The following RBFOX1 variants were observed in gnomAD, a reference collection of about 807,000 sequenced individuals.
RBFOX1 encodes RNA binding protein fox-1 homolog 1.
A neutral mutation model predicts 57.7 loss-of-function variants in RBFOX1; 8 were observed. The observed-to-expected ratio is 0.14, with a 90% CI of 0.08 to 0.25. The LOEUF (loss-of-function observed/expected upper bound fraction) is 0.25. RBFOX1 is among the 10% of genes least tolerant of loss of function. RBFOX1 has a pLI of 1.00. For synonymous variants in RBFOX1, 326 were observed against 222.4 expected (o/e 1.47, Z -4.15); for missense variants, 611 against 548.5 (o/e 1.11, Z -1.14).
chr16:5,730,356 G>A (rs1412580809), intron 3 of RBFOX1, among the ~76,000 whole-genome samples: 2 of 152,166 alleles, frequency 1.3e-5, no homozygotes, highest in African/African-American at 2.4e-5. Context: ...TAGATGGAGA[G>A]AATGAGCCTA....
Position 7,415,944 on chromosome 16 carries a change from G to C in RBFOX1, c.28-102203G>C, listed in dbSNP as rs185999785. Among the ~76,000 whole-genome samples the C allele has an allele frequency of 3.7e-3, 559 of 151,782 alleles. 1 individual carries two copies. Among genetic ancestry groups the C allele is most frequent in the African/African-American group, 0.012 (506 of 41,362 alleles). ...GAAGCTTGGGCTGGTAGTGGTTTAG[G>C]AGAAAAAAAAATCAAGTGAAACTTA... On this transcript the variant is annotated intron_variant, in intron 4 of 15. Coordinates refer to ENST00000550418, the MANE Select transcript of RBFOX1 (RefSeq NM_018723.4).
At chr16:6,843,118 T>C (rs183373665) in intron 3 of RBFOX1, among the ~76,000 whole-genome samples, 4 of 152,310 alleles carry the variant, frequency 2.6e-5, no homozygotes, top group East Asian at 3.9e-4. Context: ...TTGTTTCTTA[T>C]TGTTGTTGTT....
At chr16:6,178,036 A>G (rs2097027123) in intron 1 of RBFOX1, among the ~76,000 whole-genome samples, 1 of 151,994 alleles carries the variant, frequency 6.6e-6, no homozygotes. Context: ...GTTTTGAGAC[A>G]TTAGTGTTTC....
chr16:6,830,907 C>G (rs1241553404), intron 3 of RBFOX1, among the ~76,000 whole-genome samples: 1 of 152,272 alleles, frequency 6.6e-6, no homozygotes, highest in East Asian at 1.9e-4. Flanking sequence ...ATTTCAGCAA[C>G]CAGGTAGAAT....
intron 3 of RBFOX1, among the ~76,000 whole-genome samples, chr16:6,766,973 G>C (rs1025817557): frequency 1.3e-5 from 2 of 152,126 alleles, no homozygotes; most frequent in African/African-American, 4.8e-5. Flanking sequence ...GGAGGCTGAA[G>C]GCTGAAGGAA....
chr16:6,391,943 A>C (rs1389496730), intron 2 of RBFOX1, among the ~76,000 whole-genome samples: 1 of 152,206 alleles, frequency 6.6e-6, no homozygotes, highest in Non-Finnish European at 1.5e-5. Flanking sequence ...AGTCTTTCAG[A>C]GAAAGTCAGG....
intron 4 of RBFOX1, among the ~76,000 whole-genome samples, chr16:6,002,710 A>G (rs979496912): frequency 6.6e-6 from 1 of 152,254 alleles, no homozygotes; most frequent in Non-Finnish European, 1.5e-5. Context: ...ATAAAGCAAT[A>G]TAAAGTTCTT....
At chr16:7,115,591 G>A (rs1164192929) in intron 4 of RBFOX1, among the ~76,000 whole-genome samples, 1 of 152,122 alleles carries the variant, frequency 6.6e-6, no homozygotes, top group East Asian at 1.9e-4. Flanking sequence ...GAAGTTTGCT[G>A]CCCACAGATT....
At chr16:6,033,752 G>A (rs936831899) in intron 1 of RBFOX1, among the ~76,000 whole-genome samples, 62 of 152,114 alleles carry the variant, frequency 4.1e-4, no homozygotes, top group African/African-American at 1.4e-3. Flanking sequence ...ATCTTCAACC[G>A]CCACCACTTC....
At chr16:5,694,161 G>A (rs9635554) in intron 3 of RBFOX1, among the ~76,000 whole-genome samples, 34,985 of 152,124 alleles carry the variant, frequency 0.23, 5,517 homozygotes, top group East Asian at 0.81. Flanking sequence ...CAAAATGTGT[G>A]GCCGGGGATT....
intron 3 of RBFOX1, among the ~76,000 whole-genome samples, chr16:5,803,829 G>T (rs2055140305): frequency 6.6e-6 from 1 of 152,156 alleles, no homozygotes; most frequent in African/African-American, 2.4e-5. Context: ...CAGAAATGTT[G>T]CTTCTTTCCT....
chr16:7,182,621 C>T (rs1475280861), intron 4 of RBFOX1, among the ~76,000 whole-genome samples: 1 of 152,174 alleles, frequency 6.6e-6, no homozygotes, highest in Non-Finnish European at 1.5e-5. Flanking sequence ...GAAAATTTAG[C>T]TTTAAAATAT....
intron 1 of RBFOX1, among the ~76,000 whole-genome samples, chr16:6,105,350 C>T (rs1291535726): frequency 2.0e-5 from 3 of 151,948 alleles, no homozygotes; most frequent in East Asian, 1.9e-4. Flanking sequence ...TTGCATATAC[C>T]GTGACTCAAA....
intron 2 of RBFOX1, among the ~76,000 whole-genome samples, chr16:6,596,420 C>T (rs74584035): frequency 0.023 from 3,448 of 152,220 alleles, 134 homozygotes; most frequent in African/African-American, 0.078. Context: ...CCCTAGGGTG[C>T]GTCACTGCAG....
chr16:6,879,080 G>A (rs1427545637), intron 3 of RBFOX1, among the ~76,000 whole-genome samples: 1 of 152,186 alleles, frequency 6.6e-6, no homozygotes, highest in African/African-American at 2.4e-5. Flanking sequence ...GAAGTTTTCA[G>A]AAAGCCAATG....
intron 4 of RBFOX1, among the ~76,000 whole-genome samples, chr16:7,487,674 C>T (rs1212930300): frequency 1.3e-5 from 2 of 152,150 alleles, no homozygotes; most frequent in African/African-American, 4.8e-5. Flanking sequence ...ACCACACGCA[C>T]AGACACTCAC....
intron 3 of RBFOX1, among the ~76,000 whole-genome samples, chr16:5,783,493 G>C (rs9938491): frequency 6.6e-6 from 1 of 152,116 alleles, no homozygotes; most frequent in Admixed American, 6.5e-5. Flanking sequence ...TATAGGAAAA[G>C]TGGATAGAAA....
chr16:5,683,162 G>A (rs2050396758), intron 3 of RBFOX1, among the ~76,000 whole-genome samples: 1 of 151,516 alleles, frequency 6.6e-6, no homozygotes, highest in Admixed American at 6.6e-5. Context: ...TGGAGGTGGG[G>A]GGTGGGGGCG....
chr16:6,574,424 AT>A (rs34505014), intron 2 of RBFOX1, among the ~76,000 whole-genome samples: 3,885 of 89,838 alleles, frequency 0.043, 145 homozygotes, highest in African/African-American at 0.15. Context: ...CGTATCTTCT[AT>A]TTTTTTTTTT....
Sources: gnomAD v4.1 joint callset for allele counts (sites outside exome capture counted in the v4.1 genomes callset) on GRCh38, gnomAD v4.1.1 for gene constraint, MANE v1.5 for transcripts, NCBI Gene and HGNC (gene_info 2026-07-23, HGNC 2026-07-21) for gene names.